C11orf54: variants seen among roughly 807,000 people sequenced by gnomAD.
C11orf54 encodes beta-keto L-gulonate decarboxylase.
In C11orf54, 29 loss-of-function variants were observed where a neutral mutation model predicts 35.5. The ratio of observed to expected loss-of-function variants is 0.82; its 90% CI spans 0.61 to 1.11. The LOEUF is 1.11. C11orf54 is among the 50% of genes most tolerant of loss of function. The probability of loss-of-function intolerance (pLI) is 0.00; values close to 1 mark genes in which losing one functional copy is unlikely to be tolerated. For missense variants in C11orf54, 373 were observed against 369.2 expected (o/e 1.01, Z -0.08); for synonymous variants, 108 against 121.1 (o/e 0.89, Z 0.71).
chr11:93,749,504 CAAAAAAAAA>C (rs10624807), intron 2 of C11orf54, among the ~76,000 whole-genome samples: 1 of 71,740 alleles, frequency 1.4e-5, no homozygotes. Flanking sequence ...GACTCTGTCT[CAAAAAAAAA>C]AAAAAAAAAA....
chr11:93,749,199 T>A (rs1362766712), intron 2 of C11orf54, among the ~76,000 whole-genome samples: 1 of 149,220 alleles, frequency 6.7e-6, no homozygotes, highest in Admixed American at 6.7e-5. Flanking sequence ...TAAAAGTACA[T>A]AGGCTGATGC....
In C11orf54 at chr11:93,761,655, A is replaced by G. The variant is rs767495075; in HGVS notation, c.915A>G (p.Gln305=). The G allele has an allele frequency of 1.2e-6, 2 of 1,607,156 alleles. No homozygotes were observed. Among genetic ancestry groups the G allele is most frequent in the Non-Finnish European group, 8.5e-7 (1 of 1,177,936 alleles). Residue 305 remains glutamine (Q), a synonymous_variant, in exon 9 of 9, where the codon CAA becomes CAG. Coordinates refer to ENST00000354421, the MANE Select transcript of C11orf54 (RefSeq NM_001286069.2). ...CAGAGTTTCTCTATCGCATTGATCAACCAAAAGAGACGCATTCAATTGGGC... is the reference window on the plus strand; with the variant it reads ...CAGAGTTTCTCTATCGCATTGATCAGCCAAAAGAGACGCATTCAATTGGGC... ...LPAEFLYRID[Q]PKETHSIGRD
In C11orf54 at chr11:93,753,771, C is replaced by G; in HGVS notation, c.228+16C>G. The G allele has an allele frequency of 6.2e-7, 1 of 1,608,506 alleles. No homozygotes were observed. The highest frequency in any genetic ancestry group is 1.3e-5 in the African/African-American group (1 of 74,864). The stretch of plus-strand genomic sequence containing the variant: ...CCAAAAAAAAGTAAGTACTTTTACT[C>G]TGCATATTCACATGAAGATTGTAGA... On this transcript the variant is annotated intron_variant, in intron 4 of 8. Transcript: ENST00000354421.
At chr11:93,752,748 T>G (rs1266252243) in intron 3 of C11orf54, among the ~76,000 whole-genome samples, 1 of 34,210 alleles carries the variant, frequency 2.9e-5, no homozygotes, top group Non-Finnish European at 9.8e-5. Context: ...CTCTCTGGGT[T>G]TTTTTTTTTT....
At position 93,755,198 on chromosome 11, in the gene C11orf54, C is replaced by G. The variant is rs1466889639; in HGVS notation, c.331-12C>G. On this transcript the variant is annotated splice_polypyrimidine_tract_variant and intron_variant, in intron 5 of 8. Transcript: ENST00000354421. ...ATACAAAGATTGACTAATTGCCTCA[C>G]TTTCTTTTCAGTTTATGCCAGTTAT... The G allele has an allele frequency of 1.2e-6, 2 of 1,612,402 alleles. No individual in the cohort carries two copies. The highest frequency in any genetic ancestry group is 1.1e-5 in the South Asian group (1 of 90,856).
intron 7 of C11orf54, among the ~76,000 whole-genome samples, chr11:93,758,467 C>T (rs1943278564): frequency 6.6e-6 from 1 of 152,224 alleles, no homozygotes; most frequent in African/African-American, 2.4e-5. Flanking sequence ...ACCGTGGCTG[C>T]GGACCCAGGC....
At chr11:93,747,517 A>C (rs1942540393) in intron 2 of C11orf54, 69 bp downstream of exon 2, 1 of 1,230,778 alleles carries the variant, frequency 8.1e-7, no homozygotes, top group African/African-American at 1.6e-5. Flanking sequence ...AAAGATTCTA[A>C]GATCTATCTA....
In C11orf54 at chr11:93,757,440, A is replaced by G. The variant is rs1365722559; in HGVS notation, c.632A>G (p.Lys211Arg). 6.3e-7 allele frequency: 1 copy of G among 1,598,126 alleles called. No homozygotes were observed. Among genetic ancestry groups the G allele is most frequent in the Non-Finnish European group, 8.5e-7 (1 of 1,179,744 alleles). Residue 211 changes from lysine (K) to arginine (R), a missense_variant, in exon 7 of 9, where the codon AAG becomes AGG. Physicochemically the swap from Lys to Arg is conservative, Grantham distance 26. Transcript: ENST00000354421. The stretch of plus-strand genomic sequence containing the variant: ...ATGGGAGGTACTTTCATAATTCAGA[A>G]GGGAAAAGTGAAGTCTCACATTATG... Reference protein sequence around the residue: ...IGMGGTFIIQKGKVKSHIMPA... With the variant: ...IGMGGTFIIQRGKVKSHIMPA...
chr11:93,750,319 A>G, intron 2 of C11orf54, 27 bp from the exon 3 acceptor site: 1 of 1,597,074 alleles, frequency 6.3e-7, no homozygotes, highest in Non-Finnish European at 8.6e-7. Context: ...CCTAATGTTA[A>G]ATAATCTTAT....
chr11:93,755,687 A>C (rs1427191352), intron 6 of C11orf54, among the ~76,000 whole-genome samples: 8 of 146,040 alleles, frequency 5.5e-5, no homozygotes, highest in African/African-American at 2.0e-4. Context: ...CGGAAGGCAG[A>C]GGTTGCAGTG....
At chr11:93,743,572 G>A (rs952548498) in intron 1 of C11orf54, among the ~76,000 whole-genome samples, 2 of 152,192 alleles carry the variant, frequency 1.3e-5, no homozygotes, top group Non-Finnish European at 2.9e-5. Flanking sequence ...GTGAGCAGAT[G>A]CTGGAGCCGG....
At chr11:93,743,482 G>A (rs1358120268) in intron 1 of C11orf54, among the ~76,000 whole-genome samples, 1 of 152,146 alleles carries the variant, frequency 6.6e-6, no homozygotes, top group Non-Finnish European at 1.5e-5. Context: ...TGAATGAGGC[G>A]GGAACTGGAG....
At chr11:93,760,149 T>C (rs1324208618) in intron 8 of C11orf54, among the ~76,000 whole-genome samples, 1 of 152,152 alleles carries the variant, frequency 6.6e-6, no homozygotes, top group Non-Finnish European at 1.5e-5. Context: ...TTCACCACGT[T>C]GGTCAGGCTG....
rs1942864085 is a variant in C11orf54 at position 93,752,049 on chromosome 11, GT to G, written c.154+1607del. On this transcript the variant is annotated intron_variant, in intron 3 of 8. Transcript: ENST00000354421. ...TTTAGTAGAGACGGGGTTTCATCAT[GT>G]TGGCCAGGCTGATCTCGAACTCCCA... Among the ~76,000 whole-genome samples, 3 of 151,690 alleles carry G rather than the reference GT, an allele frequency of 2.0e-5. No homozygotes were observed. The South Asian group carries it at 6.2e-4, about 32-fold the overall frequency.
intron 7 of C11orf54, 90 bp from the exon 8 acceptor site, chr11:93,759,650 CAA>C: frequency 1.8e-6 from 1 of 550,688 alleles, no homozygotes; most frequent in East Asian, 4.0e-5. Flanking sequence ...TATAATTAAA[CAA>C]TAATAATAAA....
rs1233053150 is a variant in C11orf54 at position 93,764,105 on chromosome 11, T to C, written c.*2417T>C. ...CTGGGATTACAGGCATGGGCCACCA[T>C]GTCTGGCGAGCACCCAGGCTTTCTT... On this transcript the variant is annotated 3_prime_UTR_variant, in exon 9 of 9. Coordinates refer to ENST00000354421, the MANE Select transcript of C11orf54 (RefSeq NM_001286069.2). 2.6e-5 allele frequency: 4 copies of C among 152,208 alleles called. No individual in the cohort carries two copies. The highest frequency in any genetic ancestry group is 9.7e-5 in the African/African-American group (4 of 41,414). 9.4% of individuals were successfully genotyped at this position (152,208 alleles called of 1,614,324 possible).
chr11:93,746,487 T>C (rs569191877), intron 1 of C11orf54: 1 of 152,360 alleles, frequency 6.6e-6, no homozygotes, highest in South Asian at 2.1e-4. Flanking sequence ...TAAGGTAAGA[T>C]ACTAATCTCT....
chr11:93,747,484 A>G lies in C11orf54; in HGVS notation c.55+36A>G, dbSNP rs201802868. The G allele has an allele frequency of 7.6e-5, 115 of 1,505,486 alleles. No individual in the cohort carries two copies. The African/African-American group carries it at 1.5e-3, about 20-fold the overall frequency. 93.3% of individuals were successfully genotyped at this position (1,505,486 alleles called of 1,614,324 possible). On this transcript the variant is annotated intron_variant, in intron 2 of 8. Transcript: ENST00000354421. ...TATTAACTTTGGATTTTTAAAAATT[A>G]TCCCAAGAGAAAATTCTTTTAAAAA... is the stretch of plus-strand genomic sequence containing the variant.
intron 1 of C11orf54, among the ~76,000 whole-genome samples, chr11:93,743,741 C>T (rs1341584366): frequency 2.6e-5 from 4 of 152,192 alleles, no homozygotes; most frequent in Non-Finnish European, 5.9e-5. Context: ...CTAACGGTGT[C>T]TGGTATATAG....
Sources: gnomAD v4.1 joint callset for allele counts (sites outside exome capture counted in the v4.1 genomes callset) on GRCh38, gnomAD v4.1.1 for gene constraint, MANE v1.5 for transcripts, NCBI Gene and HGNC (gene_info 2026-07-23, HGNC 2026-07-21) for gene names.